Variants in LSAMP observed in about 807,000 individuals in gnomAD.
LSAMP encodes the protein limbic system-associated membrane protein.
Under a neutral mutation model 38.6 loss-of-function variants are expected in LSAMP, and 7 were observed. The observed-to-expected ratio is 0.18, with a 90% CI of 0.10 to 0.34. The LOEUF is 0.34. LSAMP is among the 10% of genes least tolerant of loss of function. The pLI is 1.00. For missense variants in LSAMP, 313 were observed against 420.0 expected (o/e 0.75, Z 2.23); for synonymous variants, 154 against 166.8 (o/e 0.92, Z 0.59).
chr3:116,251,181 A>G (rs73861405), intron 1 of LSAMP, among the ~76,000 whole-genome samples: 29,612 of 152,086 alleles, frequency 0.19, 3,091 homozygotes, highest in Admixed American at 0.23. Flanking sequence ...CCAAAACAAT[A>G]AACTGTTGAA....
intron 1 of LSAMP, among the ~76,000 whole-genome samples, chr3:116,317,359 T>TC (rs200602827): frequency 1.1e-4 from 16 of 148,094 alleles, no homozygotes; most frequent in African/African-American, 2.8e-4. Flanking sequence ...TTTCTTTCTT[T>TC]TTTTTTTTTT....
chr3:116,055,979 C>T (rs1941484684), intron 2 of LSAMP, among the ~76,000 whole-genome samples: 1 of 151,850 alleles, frequency 6.6e-6, no homozygotes, highest in Non-Finnish European at 1.5e-5. Context: ...TTTCCCCCAG[C>T]TCTTCTGATT....
chr3:116,142,951 T>C (rs930397866), intron 1 of LSAMP, among the ~76,000 whole-genome samples: 12 of 151,388 alleles, frequency 7.9e-5, no homozygotes, highest in Non-Finnish European at 1.2e-4. Flanking sequence ...CCTGAGGAAC[T>C]GGTGTTTTAA....
intron 1 of LSAMP, among the ~76,000 whole-genome samples, chr3:116,226,803 C>T (rs2046347057): frequency 1.3e-5 from 2 of 152,220 alleles, no homozygotes; most frequent in South Asian, 4.1e-4. Context: ...TCTACCTCTT[C>T]CAACCTGTCC....
chr3:116,230,087 G>T (rs1215050572), intron 1 of LSAMP, among the ~76,000 whole-genome samples: 1 of 152,182 alleles, frequency 6.6e-6, no homozygotes, highest in Non-Finnish European at 1.5e-5. Flanking sequence ...GGGTCCACTT[G>T]TTTTATGAGC....
At chr3:116,113,188 G>T (rs1414839832) in intron 1 of LSAMP, among the ~76,000 whole-genome samples, 2 of 151,380 alleles carry the variant, frequency 1.3e-5, no homozygotes, top group Non-Finnish European at 2.9e-5. Flanking sequence ...AAAAGCCAAA[G>T]AAAATTCTCT....
chr3:116,037,351 G>C (rs954769538), intron 2 of LSAMP, among the ~76,000 whole-genome samples: 2 of 152,086 alleles, frequency 1.3e-5, no homozygotes, highest in Non-Finnish European at 2.9e-5. Flanking sequence ...GTGTGACTCT[G>C]GATAGAAAAT....
At chr3:116,242,980 G>C (rs1254152280) in intron 1 of LSAMP, among the ~76,000 whole-genome samples, 2 of 152,112 alleles carry the variant, frequency 1.3e-5, no homozygotes, top group African/African-American at 4.8e-5. Context: ...TTAAGAGTGA[G>C]AGAAATTAAT....
At chr3:116,435,144 G>A (rs753204596) in intron 1 of LSAMP, among the ~76,000 whole-genome samples, 47 of 152,296 alleles carry the variant, frequency 3.1e-4, no homozygotes, top group African/African-American at 1.1e-3. Context: ...AAAAGATAGA[G>A]CTCCGTGCTC....
At position 116,354,077 on chromosome 3, in the gene LSAMP, G is replaced by A. The variant is rs148345021; in HGVS notation, c.155+90800C>T. Among the ~76,000 whole-genome samples, 16 of 152,186 alleles carry A rather than the reference G, an allele frequency of 1.1e-4. No individual in the cohort carries two copies. In the East Asian group the frequency reaches 3.1e-3, roughly 29 times the overall value. On this transcript the variant is annotated intron_variant, in intron 1 of 6. Transcript: ENST00000490035. ...TTTCCTTTTCACCCTTGAAGCTGGAGTCACTTAATGCCAACATGGACTTTT... is the reference window on the plus strand; with the variant it reads ...TTTCCTTTTCACCCTTGAAGCTGGAATCACTTAATGCCAACATGGACTTTT...
chr3:115,880,498 T>G (rs376481248), intron 3 of LSAMP, among the ~76,000 whole-genome samples: 152 of 152,278 alleles, frequency 1.0e-3, no homozygotes, highest in African/African-American at 3.6e-3. Context: ...AATTTTCCTC[T>G]TGAGATGCTC....
chr3:116,140,713 A>T (rs1224459057), intron 1 of LSAMP, among the ~76,000 whole-genome samples: 1 of 151,994 alleles, frequency 6.6e-6, no homozygotes, highest in East Asian at 1.9e-4. Context: ...GCACACTAAC[A>T]TTCACGAAGC....
intron 1 of LSAMP, among the ~76,000 whole-genome samples, chr3:116,143,120 C>T (rs764729257): frequency 5.3e-5 from 8 of 151,334 alleles, no homozygotes; most frequent in African/African-American, 1.5e-4. Flanking sequence ...GGATAGCATT[C>T]GTATTCCCTC....
At chr3:116,423,645 G>T (rs190543655) in intron 1 of LSAMP, among the ~76,000 whole-genome samples, 3 of 152,128 alleles carry the variant, frequency 2.0e-5, no homozygotes, top group African/African-American at 7.2e-5. Flanking sequence ...AATACTCCAC[G>T]GTCCCTGGCT....
At chr3:116,140,144 T>TA (rs1490915465) in intron 1 of LSAMP, among the ~76,000 whole-genome samples, 3 of 152,126 alleles carry the variant, frequency 2.0e-5, no homozygotes, top group Admixed American at 2.0e-4. Context: ...AGAAAGGGTT[T>TA]ATGTAGTTCT....
chr3:116,413,910 A>AAC (rs1281597697), intron 1 of LSAMP, among the ~76,000 whole-genome samples: 5 of 151,528 alleles, frequency 3.3e-5, no homozygotes, highest in Admixed American at 6.6e-5. Flanking sequence ...TACAAAAAAA[A>AAC]AAACAAACCA....
At chr3:116,223,116 A>G (rs1576443635) in intron 1 of LSAMP, among the ~76,000 whole-genome samples, 1 of 151,980 alleles carries the variant, frequency 6.6e-6, no homozygotes, top group Admixed American at 6.6e-5. Context: ...CAAATTAAGG[A>G]AGTTTTAGCC....
At chr3:116,092,010 A>G (rs943280760) in intron 1 of LSAMP, among the ~76,000 whole-genome samples, 2 of 152,174 alleles carry the variant, frequency 1.3e-5, no homozygotes, top group East Asian at 1.9e-4. Context: ...ATTTGCACTC[A>G]TCTTTTCTCA....
intron 4 of LSAMP, among the ~76,000 whole-genome samples, chr3:115,845,550 C>T (rs997330910): frequency 4.7e-5 from 7 of 147,606 alleles, no homozygotes; most frequent in African/African-American, 1.8e-4. Context: ...TGGGACCAAG[C>T]TTCTGGCCGG....
Sources: gnomAD v4.1 joint callset for allele counts (sites outside exome capture counted in the v4.1 genomes callset) on GRCh38, gnomAD v4.1.1 for gene constraint, MANE v1.5 for transcripts, NCBI Gene and HGNC (gene_info 2026-07-23, HGNC 2026-07-21) for gene names.